C1orf141: variants seen among roughly 807,000 people sequenced by gnomAD.
C1orf141 encodes uncharacterized protein C1orf141.
A neutral mutation model predicts 23.2 loss-of-function variants in C1orf141; 19 were observed. The observed-to-expected ratio is 0.82, with a 90% confidence interval of 0.57 to 1.20. C1orf141 has a LOEUF of 1.20. Ranked by LOEUF, C1orf141 falls within the 50% of genes most tolerant of loss-of-function variation. The probability of loss-of-function intolerance (pLI) is 0.00; values close to 1 mark genes in which losing one functional copy is unlikely to be tolerated. For synonymous variants in C1orf141, 153 were observed against 154.6 expected, an observed-to-expected ratio of 0.99 and a Z score of 0.08; for missense variants, 469 against 455.1, an observed-to-expected ratio of 1.03 and a Z score of -0.28.
chr1:67,121,063 A>G (rs1404216046), intron 4 of C1orf141, among the ~76,000 whole-genome samples: 1 of 152,212 alleles, frequency 6.6e-6, no homozygotes, highest in East Asian at 1.9e-4. Context: ...GACTAAGGGA[A>G]AAGTTGGAAA....
intron 5 of C1orf141, among the ~76,000 whole-genome samples, chr1:67,108,287 G>T (rs1391777425): frequency 6.6e-6 from 1 of 152,162 alleles, no homozygotes; most frequent in Non-Finnish European, 1.5e-5. Flanking sequence ...TTCATAGGTG[G>T]TGCCTTATTG....
At chr1:67,105,684 C>T (rs1645910688) in intron 5 of C1orf141, among the ~76,000 whole-genome samples, 1 of 151,980 alleles carries the variant, frequency 6.6e-6, no homozygotes, top group African/African-American at 2.4e-5. Flanking sequence ...TGCATGCACA[C>T]ACATGACCTT....
chr1:67,115,827 A>G (rs927815990), intron 4 of C1orf141, among the ~76,000 whole-genome samples: 1 of 152,192 alleles, frequency 6.6e-6, no homozygotes, highest in Non-Finnish European at 1.5e-5. Context: ...AGAGTTAGGG[A>G]ATTCAGGTAC....
At chr1:67,121,851 T>C (rs1289759395) in intron 4 of C1orf141, 1 of 152,272 alleles carries the variant, frequency 6.6e-6, no homozygotes, top group South Asian at 2.1e-4. Context: ...CTACTCTCAG[T>C]TGAGGGAACA....
chr1:67,107,830 C>CA (rs1273848391), intron 5 of C1orf141, among the ~76,000 whole-genome samples: 11 of 152,316 alleles, frequency 7.2e-5, no homozygotes, highest in Non-Finnish European at 1.3e-4. Context: ...GTGGAGGTTG[C>CA]AGTGAGCCGA....
intron 1 of C1orf141, among the ~76,000 whole-genome samples, chr1:67,140,050 G>A (rs1199555592): frequency 6.6e-6 from 1 of 152,160 alleles, no homozygotes; most frequent in African/African-American, 2.4e-5. Flanking sequence ...CCTCCCAGCA[G>A]CAAGAAGTCC....
intron 5 of C1orf141, among the ~76,000 whole-genome samples, chr1:67,107,860 G>A (rs1428974605): frequency 1.3e-5 from 2 of 152,134 alleles, no homozygotes; most frequent in Non-Finnish European, 2.9e-5. Context: ...AACAAAGAGT[G>A]TCCTTCTCTT....
chr1:67,115,413 C>T lies in C1orf141; in HGVS notation c.285G>A (p.Lys95=), dbSNP rs1396468453. Residue 95 remains lysine, a synonymous_variant, in exon 5 of 8, where the codon AAG becomes AAA. Transcript: ENST00000684719. ...GAATAAAGAATGGTCTTAAATTTGA[C>T]TTTTCAAAATTACTCTTTCTAGGTT... ...EPEPRKSNFE[K]SNLRPFFIQT... The T allele has an allele frequency of 6.0e-6, 9 of 1,510,932 alleles. No homozygotes were observed. Among genetic ancestry groups the T allele is most frequent in the Non-Finnish European group, 8.2e-6 (9 of 1,100,160 alleles). 93.6% of individuals were successfully genotyped at this position (1,510,932 alleles called of 1,614,324 possible).
upstream of C1orf141, among the ~76,000 whole-genome samples, chr1:67,137,884 A>AC (rs956230173): frequency 2.0e-5 from 3 of 152,054 alleles, no homozygotes; most frequent in African/African-American, 7.3e-5. Context: ...GTGATTCTCC[A>AC]CCCCTGCCTT....
intron 4 of C1orf141, among the ~76,000 whole-genome samples, chr1:67,119,024 T>A (rs1474880518): frequency 6.6e-6 from 1 of 152,186 alleles, no homozygotes; most frequent in Non-Finnish European, 1.5e-5. Context: ...TACTTGAATA[T>A]GTGGCAGTGG....
chr1:67,124,842 T>C (rs189508461), intron 4 of C1orf141, among the ~76,000 whole-genome samples: 36 of 152,346 alleles, frequency 2.4e-4, no homozygotes, highest in Non-Finnish European at 5.9e-5. Context: ...TGCACAGTAG[T>C]GCTTTGTACT....
At chr1:67,125,345 T>C (rs1394941503) in intron 4 of C1orf141, among the ~76,000 whole-genome samples, 1 of 152,216 alleles carries the variant, frequency 6.6e-6, no homozygotes, top group African/African-American at 2.4e-5. Flanking sequence ...ACATATGCCA[T>C]AAAACTTTCA....
intron 5 of C1orf141, among the ~76,000 whole-genome samples, chr1:67,101,207 G>T (rs1161977601): frequency 6.6e-6 from 1 of 152,026 alleles, no homozygotes; most frequent in Admixed American, 6.6e-5. Flanking sequence ...CTCCTTTCAA[G>T]TCCCTGCTCC....
intron 1 of C1orf141, among the ~76,000 whole-genome samples, chr1:67,134,299 G>A (rs1646560735): frequency 7.0e-6 from 1 of 142,432 alleles, no homozygotes; most frequent in Non-Finnish European, 1.5e-5. Context: ...CCAACGCGCC[G>A]GCCTGGAAGG....
At chr1:67,111,455 C>T (rs941943905) in intron 5 of C1orf141, 60 of 450,136 alleles carry the variant, frequency 1.3e-4, no homozygotes, top group African/African-American at 1.2e-3. Context: ...ATCACTTTAA[C>T]ATTTTATCAT....
intron 2 of C1orf141, among the ~76,000 whole-genome samples, chr1:67,128,755 C>G (rs965190528): frequency 2.6e-5 from 4 of 151,208 alleles, no homozygotes; most frequent in Admixed American, 2.0e-4. Flanking sequence ...TACTTTTGCT[C>G]ACTGAATTAA....
intron 1 of C1orf141, among the ~76,000 whole-genome samples, chr1:67,141,468 T>C (rs943753201): frequency 6.6e-6 from 1 of 151,274 alleles, no homozygotes; most frequent in African/African-American, 2.4e-5. Flanking sequence ...CTCAAAAAAG[T>C]TTTTACAAGT....
intron 7 of C1orf141, chr1:67,093,878 T>A (rs1168342224): frequency 1.5e-5 from 3 of 198,380 alleles, no homozygotes; most frequent in Non-Finnish European, 3.0e-5. Context: ...TACGAAAAAA[T>A]TAATATATTT....
At chr1:67,115,845 G>A (rs920242191) in intron 4 of C1orf141, among the ~76,000 whole-genome samples, 2 of 152,164 alleles carry the variant, frequency 1.3e-5, no homozygotes, top group African/African-American at 4.8e-5. Flanking sequence ...TACTAGAAAG[G>A]ATCACAGCAT....
Sources: gnomAD v4.1 joint callset for allele counts (sites outside exome capture counted in the v4.1 genomes callset) on GRCh38, gnomAD v4.1.1 for gene constraint, MANE v1.5 for transcripts, NCBI Gene and HGNC (gene_info 2026-07-23, HGNC 2026-07-21) for gene names.